Variants in SCAF11 observed in about 807,000 individuals in gnomAD.
SCAF11 encodes protein SCAF11.
A neutral mutation model predicts 140.5 loss-of-function variants in SCAF11; 47 were observed. That is an observed-to-expected ratio of 0.33 (90% confidence interval 0.26 to 0.43). The LOEUF (loss-of-function observed/expected upper bound fraction) is 0.43, where lower values mean the gene tolerates loss of function less well. SCAF11 is among the 20% of genes least tolerant of loss of function. SCAF11 has a pLI of 1.00. For missense variants in SCAF11, 1,645 were observed against 1,705.1 expected (o/e 0.96, Z 0.62); for synonymous variants, 557 against 579.4 (o/e 0.96, Z 0.55).
intron 1 of SCAF11, among the ~76,000 whole-genome samples, chr12:45,987,621 G>A (rs556689248): frequency 6.6e-6 from 1 of 152,348 alleles, no homozygotes; most frequent in East Asian, 1.9e-4. Context: ...TTTATACACA[G>A]TAGTTAGAGA....
chr12:45,955,511 T>C (rs1229170012), intron 3 of SCAF11: 1 of 152,694 alleles, frequency 6.5e-6, no homozygotes, highest in Non-Finnish European at 1.5e-5. Context: ...AGCAGATATC[T>C]ATCCAGAAAG....
At chr12:45,990,726 T>C (rs969541872), upstream of SCAF11, 5 of 565,172 alleles carry the variant, frequency 8.8e-6, no homozygotes, top group Non-Finnish European at 1.3e-5. Flanking sequence ...TGGCCCTGAG[T>C]GCATGTTCGT....
chr12:45,956,055 C>T (rs998172811), intron 3 of SCAF11: 20 of 708,110 alleles, frequency 2.8e-5, no homozygotes, highest in Non-Finnish European at 4.7e-5. Flanking sequence ...TATAAATTCT[C>T]AGCTCAGACA....
chr12:45,972,450 T>A lies in SCAF11; in HGVS notation c.-21-8262A>T, dbSNP rs547824887. On this transcript the variant is annotated intron_variant, in intron 1 of 14. Transcript: ENST00000369367. ...TAGAAAATAAAGTAGCCAAGCATAG[T>A]GGTGTGTCACTGTAGTCCCAGCTAA... is the stretch of plus-strand genomic sequence containing the variant. Among the ~76,000 whole-genome samples the A allele has an allele frequency of 1.1e-4, 16 of 151,680 alleles. No individual in the cohort carries two copies. The East Asian group carries it at 3.1e-3, about 30-fold the overall frequency.
rs376128385 is a variant in SCAF11 at position 45,964,125 on chromosome 12, T to C, written c.43A>G (p.Lys15Glu). 3.7e-5 allele frequency: 56 copies of C among 1,530,780 alleles called. No homozygotes were observed. Among genetic ancestry groups the C allele is most frequent in the Admixed American group, 5.3e-5 (3 of 57,070 alleles). 94.8% of individuals were successfully genotyped at this position (1,530,780 alleles called of 1,614,324 possible). Residue 15 changes from lysine to glutamate, a missense_variant, in exon 2 of 15, where the codon AAG becomes GAG. Physicochemically the swap from Lys to Glu is moderately conservative, Grantham distance 56 (BLOSUM62 1). Around this residue, in one of 2 missense-constraint regions of SCAF11, gnomAD observed 1,582 missense variants for 1,609.2 expected, o/e 0.98. Transcript: ENST00000369367. ...AAGTTACCTTCCATGTCTTCATACTTCTTATCTCCCATATTTAGGGTACAT... is the reference window on the plus strand; with the variant it reads ...AAGTTACCTTCCATGTCTTCATACTCCTTATCTCCCATATTTAGGGTACAT... ...TVCTLNMGDKKYEDMEGEENG... is the reference protein window; with the variant it reads ...TVCTLNMGDKEYEDMEGEENG...
chr12:45,923,257 C>T (rs1944760309), intron 12 of SCAF11, 103 bp from the exon 13 acceptor site: 1 of 921,054 alleles, frequency 1.1e-6, no homozygotes, highest in East Asian at 2.5e-5. Flanking sequence ...GCAAACCAAC[C>T]TTAGTACTAA....
At chr12:45,964,984 C>G (rs1945911048) in intron 1 of SCAF11, among the ~76,000 whole-genome samples, 2 of 151,870 alleles carry the variant, frequency 1.3e-5, no homozygotes, top group Non-Finnish European at 2.9e-5. Flanking sequence ...ATGTGTGTGT[C>G]TCTACTGAGG....
chr12:45,972,931 TATATATAG>T (rs1461917507), intron 1 of SCAF11, among the ~76,000 whole-genome samples: 2 of 76,222 alleles, frequency 2.6e-5, no homozygotes, highest in African/African-American at 7.9e-5. Context: ...GATATATAGA[TATATATAG>T]ATATATATAT....
Position 45,990,423 on chromosome 12 carries a change from C to T in SCAF11, c.-92G>A, listed in dbSNP as rs925676563. ...AGGTTCCCAGGTCCCAGTCACTCCGCTGCCAAGTTCCCCAACATGGACTCC... is the reference window on the plus strand; with the variant it reads ...AGGTTCCCAGGTCCCAGTCACTCCGTTGCCAAGTTCCCCAACATGGACTCC... On this transcript the variant is annotated 5_prime_UTR_variant, in exon 1 of 15. Coordinates refer to ENST00000369367, the MANE Select transcript of SCAF11 (RefSeq NM_004719.3). The T allele has an allele frequency of 4.9e-6, 6 of 1,232,024 alleles. No homozygotes were observed. The African/African-American group carries it at 7.8e-5, about 16-fold the overall frequency. 76.3% of individuals were successfully genotyped at this position (1,232,024 alleles called of 1,614,324 possible).
chr12:45,958,382 C>T (rs549544365), intron 3 of SCAF11, among the ~76,000 whole-genome samples: 2 of 151,946 alleles, frequency 1.3e-5, no homozygotes, highest in African/African-American at 2.4e-5. Flanking sequence ...TTGTTTTTGC[C>T]CACAATATGG....
chr12:45,929,569 G>A (rs1010457385), intron 10 of SCAF11: 1 of 152,116 alleles, frequency 6.6e-6, no homozygotes, highest in Non-Finnish European at 1.5e-5. Context: ...TACTTCTAAA[G>A]ATCTATGGTT....
chr12:45,988,913 TAA>T (rs1440966269), intron 1 of SCAF11, among the ~76,000 whole-genome samples: 4 of 152,152 alleles, frequency 2.6e-5, no homozygotes, highest in African/African-American at 9.7e-5. Context: ...ATAAAAAATA[TAA>T]ATTCAGATTA....
At chr12:45,940,813 ATTCTT>A (rs1427603956) in intron 6 of SCAF11, among the ~76,000 whole-genome samples, 1 of 151,984 alleles carries the variant, frequency 6.6e-6, no homozygotes, top group Admixed American at 6.6e-5. Context: ...CCTTTTATTT[ATTCTT>A]TTGAGAAAGG....
intron 1 of SCAF11, among the ~76,000 whole-genome samples, chr12:45,968,012 G>A (rs968947476): frequency 4.6e-5 from 7 of 152,190 alleles, no homozygotes; most frequent in Non-Finnish European, 8.8e-5. Flanking sequence ...GTGGTCAATA[G>A]CCCTAAGAGG....
At chr12:45,930,590 C>T (rs191276222) in intron 10 of SCAF11, among the ~76,000 whole-genome samples, 16 of 151,318 alleles carry the variant, frequency 1.1e-4, no homozygotes, top group East Asian at 3.9e-4. Context: ...CAACAGGTGG[C>T]GGCCACAAAA....
At chr12:45,930,503 G>A (rs1373966242) in intron 10 of SCAF11, among the ~76,000 whole-genome samples, 1 of 149,362 alleles carries the variant, frequency 6.7e-6, no homozygotes, top group African/African-American at 2.5e-5. Flanking sequence ...GCACAGGCTG[G>A]AGTGCAGTGG....
intron 9 of SCAF11, among the ~76,000 whole-genome samples, chr12:45,932,133 A>G (rs1026281263): frequency 7.2e-5 from 11 of 152,138 alleles, no homozygotes; most frequent in Admixed American, 5.9e-4. Context: ...ACTCCTTTGT[A>G]TCCTTCTCCC....
At position 45,928,348 on chromosome 12, in the gene SCAF11, A is replaced by C. The variant is rs777955104; in HGVS notation, c.1353T>G (p.Asn451Lys). 1 of 1,614,104 alleles carries C rather than the reference A, an allele frequency of 6.2e-7. No homozygotes were observed. Among genetic ancestry groups the C allele is most frequent in the Non-Finnish European group, 8.5e-7 (1 of 1,180,006 alleles). ...GCTTCTCACTTTCTTCTATTTGCTC[A>C]TTGCAACTTTTCAAGCAATTAGCAG... ...NQSANCLKSC[N>K]EQIEESEKHT... The change falls in exon 11 of 15, where the codon AAT becomes AAG. Residue 451 changes from asparagine to lysine, a missense_variant. Transcript: ENST00000369367.
intron 1 of SCAF11, among the ~76,000 whole-genome samples, chr12:45,966,585 A>C (rs1157325054): frequency 6.6e-6 from 1 of 152,008 alleles, no homozygotes. Context: ...ACTGAGGGAA[A>C]GCTTCTGTGA....
Sources: allele counts gnomAD v4.1 joint callset (sites outside exome capture counted in the v4.1 genomes callset), GRCh38; gene constraint gnomAD v4.1.1; regional missense constraint gnomAD v4.1.1; transcripts MANE v1.5; gene names NCBI Gene and HGNC (gene_info 2026-07-23, HGNC 2026-07-21).